Variants in CNTNAP5 observed in about 807,000 individuals in gnomAD.
CNTNAP5 encodes the protein contactin associated protein family member 5.
CNTNAP5 carries 72 observed loss-of-function variants against 150.2 expected under a neutral mutation model. The observed-to-expected ratio is 0.48, with a 90% confidence interval of 0.40 to 0.58. The LOEUF (loss-of-function observed/expected upper bound fraction) is 0.58. Ranked by LOEUF, CNTNAP5 falls within the 20% of genes least tolerant of loss-of-function variation. The pLI, the probability that CNTNAP5 is intolerant of heterozygous loss-of-function variation, is 0.00. For synonymous variants in CNTNAP5, 672 were observed against 619.8 expected (o/e 1.08, Z -1.25); for missense variants, 1,636 against 1,626.2 (o/e 1.01, Z -0.10).
At chr2:124,327,839 G>T (rs1408173707) in intron 3 of CNTNAP5, among the ~76,000 whole-genome samples, 1 of 151,982 alleles carries the variant, frequency 6.6e-6, no homozygotes, top group Non-Finnish European at 1.5e-5. Context: ...CCAACCACTT[G>T]GGCCCATGTC....
At chr2:124,440,346 T>A (rs1160635832) in intron 5 of CNTNAP5, among the ~76,000 whole-genome samples, 1 of 151,414 alleles carries the variant, frequency 6.6e-6, no homozygotes, top group Non-Finnish European at 1.5e-5. Flanking sequence ...CAAGAATGAC[T>A]TTTTTTTTGT....
intron 1 of CNTNAP5, among the ~76,000 whole-genome samples, chr2:124,065,944 G>A (rs989519947): frequency 6.6e-6 from 1 of 152,194 alleles, no homozygotes; most frequent in Non-Finnish European, 1.5e-5. Context: ...TTCACAGTCT[G>A]GTTTTGGTTT....
intron 1 of CNTNAP5, among the ~76,000 whole-genome samples, chr2:124,029,845 A>G (rs1680996709): frequency 6.6e-6 from 1 of 152,142 alleles, no homozygotes; most frequent in African/African-American, 2.4e-5. Flanking sequence ...ACTTCACTCA[A>G]ATATTTCCTG....
chr2:124,387,872 A>C (rs1690971048), intron 3 of CNTNAP5, among the ~76,000 whole-genome samples: 1 of 152,138 alleles, frequency 6.6e-6, no homozygotes. Context: ...CAGCCCTCCT[A>C]TCTTAGCCAC....
intron 10 of CNTNAP5, among the ~76,000 whole-genome samples, chr2:124,544,811 G>A (rs1695475547): frequency 6.6e-6 from 1 of 152,140 alleles, no homozygotes; most frequent in South Asian, 2.1e-4. Context: ...TATAAAGATT[G>A]GGTTTGGGCC....
intron 2 of CNTNAP5, among the ~76,000 whole-genome samples, chr2:124,241,327 A>T (rs905314039): frequency 6.6e-6 from 1 of 152,142 alleles, no homozygotes; most frequent in Non-Finnish European, 1.5e-5. Context: ...AGGTATACTG[A>T]ATCACACGAG....
intron 8 of CNTNAP5, among the ~76,000 whole-genome samples, chr2:124,517,863 A>C (rs1694763510): frequency 6.7e-6 from 1 of 148,572 alleles, no homozygotes; most frequent in African/African-American, 2.5e-5. Flanking sequence ...GGTGTTGATG[A>C]TGGAGGGTTG....
At chr2:124,279,249 CTG>C (rs755251972) in intron 3 of CNTNAP5, among the ~76,000 whole-genome samples, 13 of 143,854 alleles carry the variant, frequency 9.0e-5, no homozygotes, top group South Asian at 6.7e-4. Flanking sequence ...GTGTGTGTGT[CTG>C]TGTGTGTGTG....
At chr2:124,245,668 AAT>A (rs1021452631) in intron 3 of CNTNAP5, among the ~76,000 whole-genome samples, 2 of 87,586 alleles carry the variant, frequency 2.3e-5, no homozygotes, top group Non-Finnish European at 4.9e-5. Flanking sequence ...TATACACACA[AAT>A]ATATATATAC....
intron 3 of CNTNAP5, among the ~76,000 whole-genome samples, chr2:124,261,779 C>G (rs1260193743): frequency 6.6e-6 from 1 of 152,142 alleles, no homozygotes; most frequent in Non-Finnish European, 1.5e-5. Flanking sequence ...TACCAGTCCT[C>G]CTGCTCTTGA....
chr2:124,566,890 C>T (rs1207542199), intron 11 of CNTNAP5, among the ~76,000 whole-genome samples: 2 of 152,166 alleles, frequency 1.3e-5, no homozygotes, highest in South Asian at 2.1e-4. Flanking sequence ...GCACACAGGG[C>T]ACCCTTTGGC....
At chr2:124,663,733 C>T (rs1678641064) in intron 13 of CNTNAP5, among the ~76,000 whole-genome samples, 1 of 152,126 alleles carries the variant, frequency 6.6e-6, no homozygotes, top group Non-Finnish European at 1.5e-5. Context: ...ATCTTAGGTA[C>T]ATAACCCTTT....
At chr2:124,321,995 CA>C in intron 3 of CNTNAP5, among the ~76,000 whole-genome samples, 1 of 151,710 alleles carries the variant, frequency 6.6e-6, no homozygotes, top group Non-Finnish European at 1.5e-5. Context: ...ACTAAAAAGG[CA>C]AAAATTAGCA....
chr2:124,272,921 A>T (rs969427873), intron 3 of CNTNAP5, among the ~76,000 whole-genome samples: 16 of 152,230 alleles, frequency 1.1e-4, no homozygotes, highest in African/African-American at 3.9e-4. Context: ...TAACTATTGG[A>T]TGAACAAATG....
intron 21 of CNTNAP5, among the ~76,000 whole-genome samples, chr2:124,901,176 G>T (rs1458500567): frequency 6.6e-6 from 1 of 151,510 alleles, no homozygotes; most frequent in African/African-American, 2.4e-5. Flanking sequence ...TCATTTTTGG[G>T]AAAGTTCTCA....
rs1052752888 is a variant in CNTNAP5 at position 124,914,154 on chromosome 2, T to C, written c.3790T>C (p.Tyr1264His). Residue 1264 changes from tyrosine to histidine, a missense_variant, in exon 24 of 24, where the codon TAC becomes CAC. Physicochemically the swap from Tyr to His is moderately conservative, Grantham distance 83 (BLOSUM62 2). Coordinates refer to ENST00000682447, the MANE Select transcript of CNTNAP5 (RefSeq NM_001367498.1). ...CIIGIMTRFL[Y>H]QHKQSHRTSQ... is the part of the protein sequence containing the mutation. ...CATCGGCATCATGACCCGGTTCCTC[T>C]ACCAGCACAAGCAGTCACATCGTAC... The C allele has an allele frequency of 8.7e-6, 14 of 1,612,646 alleles. No homozygotes were observed. Among genetic ancestry groups the C allele is most frequent in the East Asian group, 2.2e-5 (1 of 44,798 alleles).
intron 12 of CNTNAP5, among the ~76,000 whole-genome samples, chr2:124,637,271 T>C (rs1478512649): frequency 6.6e-6 from 1 of 152,156 alleles, no homozygotes; most frequent in Non-Finnish European, 1.5e-5. Flanking sequence ...CCCTTCTTTT[T>C]GCTTTTGTTG....
intron 13 of CNTNAP5, among the ~76,000 whole-genome samples, chr2:124,739,474 G>A (rs1208542527): frequency 2.0e-5 from 3 of 152,152 alleles, no homozygotes; most frequent in East Asian, 1.9e-4. Flanking sequence ...TTTTGATGGT[G>A]TGTGTTTTGT....
At chr2:124,375,783 CA>C (rs1176658444) in intron 3 of CNTNAP5, among the ~76,000 whole-genome samples, 9 of 151,178 alleles carry the variant, frequency 6.0e-5, no homozygotes, top group Admixed American at 6.6e-5. Flanking sequence ...AAATTATTTC[CA>C]AAAAAAAGTT....
Sources: gnomAD v4.1 joint callset for allele counts (sites outside exome capture counted in the v4.1 genomes callset) on GRCh38, gnomAD v4.1.1 for gene constraint, MANE v1.5 for transcripts, NCBI Gene and HGNC (gene_info 2026-07-23, HGNC 2026-07-21) for gene names.